FOXP2: variants seen among roughly 807,000 people sequenced by gnomAD.
FOXP2 encodes forkhead box P2.
A neutral mutation model predicts 115.8 loss-of-function variants in FOXP2; 12 were observed. The ratio of observed to expected loss-of-function variants is 0.10; its 90% confidence interval spans 0.07 to 0.17. The LOEUF is 0.17. Ranked by LOEUF, FOXP2 falls within the 10% of genes least tolerant of loss-of-function variation. The pLI is 1.00. For missense variants in FOXP2, 629 were observed against 843.5 expected, an observed-to-expected ratio of 0.75 and a Z score of 3.15; for synonymous variants, 328 against 297.7, an observed-to-expected ratio of 1.10 and a Z score of -1.05.
chr7:114,418,644 G>T (rs763819327), intron 1 of FOXP2, among the ~76,000 whole-genome samples: 1 of 151,234 alleles, frequency 6.6e-6, no homozygotes, highest in African/African-American at 2.4e-5. Flanking sequence ...GTGTTTTAAA[G>T]AACTTTCTGG....
chr7:114,528,604 C>G (rs1798986146), intron 2 of FOXP2, among the ~76,000 whole-genome samples: 1 of 151,920 alleles, frequency 6.6e-6, no homozygotes, highest in Admixed American at 6.6e-5. Context: ...AGTTGAAGAG[C>G]ATATGCAGAA....
At chr7:114,094,035 T>C (rs866983442) in intron 1 of FOXP2, among the ~76,000 whole-genome samples, 3 of 152,208 alleles carry the variant, frequency 2.0e-5, no homozygotes, top group East Asian at 1.9e-4. Flanking sequence ...CTGTTATTTT[T>C]TATGGGGAAA....
intron 8 of FOXP2, among the ~76,000 whole-genome samples, chr7:114,648,305 CAACT>C (rs1806035258): frequency 6.6e-6 from 1 of 152,018 alleles, no homozygotes; most frequent in South Asian, 2.1e-4. Flanking sequence ...CTCACATAAT[CAACT>C]AAATGAATAG....
intron 2 of FOXP2, among the ~76,000 whole-genome samples, chr7:114,383,087 G>A (rs906249710): frequency 2.6e-5 from 4 of 152,094 alleles, no homozygotes; most frequent in African/African-American, 4.8e-5. Flanking sequence ...ACCAGAGATC[G>A]CCAAACTCTT....
intron 2 of FOXP2, among the ~76,000 whole-genome samples, chr7:114,368,048 T>C (rs538066918): frequency 6.6e-5 from 10 of 152,322 alleles, no homozygotes; most frequent in Admixed American, 3.3e-4. Context: ...TCCTAACTGT[T>C]AGTAAAACAG....
intron 2 of FOXP2, among the ~76,000 whole-genome samples, chr7:114,354,582 A>G (rs1299056384): frequency 6.6e-6 from 1 of 152,042 alleles, no homozygotes; most frequent in Non-Finnish European, 1.5e-5. Flanking sequence ...AGATAAGCTT[A>G]AATCCCTTCC....
At chr7:114,200,033 A>C (rs528596132) in intron 1 of FOXP2, among the ~76,000 whole-genome samples, 1 of 152,320 alleles carries the variant, frequency 6.6e-6, no homozygotes, top group Admixed American at 6.5e-5. Context: ...ATAGCTTAAA[A>C]ATTGTAATCT....
chr7:114,220,151 C>G (rs1202824768), intron 1 of FOXP2, among the ~76,000 whole-genome samples: 2 of 151,360 alleles, frequency 1.3e-5, no homozygotes, highest in African/African-American at 4.9e-5. Context: ...TTAGAGCCAC[C>G]GTTCCTGGCC....
At chr7:114,425,575 A>T (rs1045896812) in intron 1 of FOXP2, among the ~76,000 whole-genome samples, 1 of 151,722 alleles carries the variant, frequency 6.6e-6, no homozygotes. Context: ...AGTGAAAATG[A>T]TAAAACATTT....
At chr7:114,374,020 C>A (rs1429272892) in intron 2 of FOXP2, among the ~76,000 whole-genome samples, 1 of 152,172 alleles carries the variant, frequency 6.6e-6, no homozygotes, top group Non-Finnish European at 1.5e-5. Context: ...TCCTTGTACA[C>A]ATTTTAGATT....
Position 114,690,045 on chromosome 7 carries a change from G to GAC in FOXP2, c.*121_*122dup. On this transcript the variant is annotated 3_prime_UTR_variant, in exon 17 of 17. Transcript: ENST00000350908. ...CTATTTATTAAGCATGGATAAAGGAGACAGCCCTAAAGGAACTTACTAAGC... is the reference window on the plus strand; with the variant it reads ...CTATTTATTAAGCATGGATAAAGGAGACACAGCCCTAAAGGAACTTACTAAGC... The GAC allele has an allele frequency of 7.8e-7, 1 of 1,289,104 alleles. No individual in the cohort carries two copies. Among genetic ancestry groups the GAC allele is most frequent in the Non-Finnish European group, 1.1e-6 (1 of 904,756 alleles). The allele number at this position is 1,289,104 out of a possible 1,614,324, so 79.9% of individuals were successfully genotyped here.
chr7:114,323,153 G>A lies in FOXP2; in HGVS notation c.-11+35044G>A, dbSNP rs1797469867. On this transcript the variant is annotated intron_variant, in intron 2 of 17. Coordinates refer to the FOXP2 transcript ENST00000634411. ...CTACCATCTATGGGTATACACCCCA[G>A]TGAATGAATTTAAACACATCAGAGC... Among the ~76,000 whole-genome samples, 3 of 152,126 alleles carry A rather than the reference G, an allele frequency of 2.0e-5. No homozygotes were observed. In the South Asian group the frequency reaches 6.2e-4, roughly 31 times the overall value.
At chr7:114,547,025 T>C (rs1017412001) in intron 3 of FOXP2, among the ~76,000 whole-genome samples, 1 of 152,206 alleles carries the variant, frequency 6.6e-6, no homozygotes, top group African/African-American at 2.4e-5. Flanking sequence ...TGATAATTTA[T>C]CAGGTTGTCT....
At chr7:114,549,022 G>T (rs766799279) in intron 3 of FOXP2, among the ~76,000 whole-genome samples, 1 of 152,172 alleles carries the variant, frequency 6.6e-6, no homozygotes, top group Non-Finnish European at 1.5e-5. Flanking sequence ...AGTAAGACAT[G>T]TTCCATAAAT....
intron 3 of FOXP2, among the ~76,000 whole-genome samples, chr7:114,598,599 T>G (rs949908831): frequency 2.0e-5 from 3 of 152,152 alleles, no homozygotes; most frequent in African/African-American, 7.2e-5. Flanking sequence ...TCACCTTTAA[T>G]TTTTAAAAAA....
At chr7:114,201,476 A>T (rs769051850) in intron 1 of FOXP2, among the ~76,000 whole-genome samples, 25 of 152,234 alleles carry the variant, frequency 1.6e-4, no homozygotes, top group Non-Finnish European at 3.2e-4. Context: ...AAAATGTTAA[A>T]TTTTTTTGTA....
intron 2 of FOXP2, among the ~76,000 whole-genome samples, chr7:114,355,972 C>G (rs1791609165): frequency 6.6e-6 from 1 of 152,174 alleles, no homozygotes; most frequent in African/African-American, 2.4e-5. Flanking sequence ...TCAACTACTT[C>G]TACCTTCATT....
At chr7:114,513,825 TTTAGTG>T (rs1798192130) in intron 2 of FOXP2, among the ~76,000 whole-genome samples, 1 of 152,076 alleles carries the variant, frequency 6.6e-6, no homozygotes, top group African/African-American at 2.4e-5. Flanking sequence ...GTTCTCTATA[TTTAGTG>T]TTAAATTATG....
Position 114,185,967 on chromosome 7 carries a change from C to G in FOXP2, c.-102+22879C>G, listed in dbSNP as rs919173310. ...CTGGTAAGGGCATTTTTTGCTATGG[C>G]ATCACGTGGAAGAAGAGCAAAGAGA... On this transcript the variant is annotated intron_variant, in intron 1 of 17. Transcript: ENST00000634411. 2.6e-5 allele frequency among the ~76,000 whole-genome samples: 4 copies of G among 151,578 alleles called. No homozygotes were observed. In the East Asian group the frequency reaches 7.7e-4, roughly 29 times the overall value.
Sources: gnomAD v4.1 joint callset for allele counts (sites outside exome capture counted in the v4.1 genomes callset) on GRCh38, gnomAD v4.1.1 for gene constraint, MANE v1.5 for transcripts, NCBI Gene and HGNC (gene_info 2026-07-23, HGNC 2026-07-21) for gene names.